RCL1: variants seen among roughly 807,000 people sequenced by gnomAD.
RCL1 encodes the protein RNA 3'-terminal phosphate cyclase-like protein.
Under a neutral mutation model 42.4 loss-of-function variants are expected in RCL1, and 24 were observed. The observed-to-expected ratio is 0.57, with a 90% CI of 0.41 to 0.80. The LOEUF is 0.80. Ranked by LOEUF, RCL1 falls within the 30% of genes least tolerant of loss-of-function variation. RCL1 has a pLI of 0.00. For missense variants in RCL1, 578 were observed against 467.9 expected, an observed-to-expected ratio of 1.24 and a Z score of -2.17; for synonymous variants, 228 against 177.3, an observed-to-expected ratio of 1.29 and a Z score of -2.27.
intron 8 of RCL1, among the ~76,000 whole-genome samples, chr9:4,855,362 G>GTC (rs60899245): frequency 0.89 from 135,142 of 151,632 alleles, 60,310 homozygotes; most frequent in East Asian, 1. Context: ...TGAGCGGTGG[G>GTC]TCTCTTTGCC....
At chr9:4,846,283 A>G (rs536603411) in intron 7 of RCL1, among the ~76,000 whole-genome samples, 10 of 152,336 alleles carry the variant, frequency 6.6e-5, no homozygotes, top group Middle Eastern at 3.4e-3. Context: ...CAGTGGACCT[A>G]TAGTTTTATT....
intron 1 of RCL1, among the ~76,000 whole-genome samples, chr9:4,802,125 A>G (rs1297191544): frequency 8.2e-6 from 1 of 121,798 alleles, no homozygotes; most frequent in Non-Finnish European, 1.6e-5. Flanking sequence ...GGGTTTCACC[A>G]TGTTGGCCAG....
At chr9:4,798,287 G>T (rs933429002) in intron 1 of RCL1, among the ~76,000 whole-genome samples, 1 of 152,208 alleles carries the variant, frequency 6.6e-6, no homozygotes, top group African/African-American at 2.4e-5. Context: ...ATAATGTGAG[G>T]TCTAAATGGA....
chr9:4,799,026 C>A (rs1173997929), intron 1 of RCL1, among the ~76,000 whole-genome samples: 1 of 105,232 alleles, frequency 9.5e-6, no homozygotes. Context: ...CCCTCCCTGT[C>A]TTCTTTCCCC....
intron 2 of RCL1, 70 bp downstream of exon 2, chr9:4,823,689 T>C (rs75752770): frequency 3.5e-6 from 4 of 1,132,062 alleles, no homozygotes; most frequent in Non-Finnish European, 5.1e-6. Flanking sequence ...CTCTTTTTTT[T>C]CTTTCCTTTT....
At chr9:4,834,291 C>CTT in intron 5 of RCL1, 26 bp downstream of exon 5, 12 of 1,434,982 alleles carry the variant, frequency 8.4e-6, no homozygotes, top group East Asian at 2.6e-5. Flanking sequence ...ATTTGGATTT[C>CTT]TTTTTTTTTT....
In RCL1 at chr9:4,860,372, A is replaced by T; in HGVS notation, c.*97A>T. The T allele has an allele frequency of 8.0e-7, 1 of 1,247,036 alleles. No homozygotes were observed. The highest frequency in any genetic ancestry group is 1.1e-6 in the Non-Finnish European group (1 of 908,064). 77.2% of individuals were successfully genotyped at this position (1,247,036 alleles called of 1,614,324 possible). Reference sequence around the variant, plus strand: ...GTCCAAATGGATTAATCCAGGACAGAATAGCCACTTGCTTAATTTTCTGTG... The same window carrying T: ...GTCCAAATGGATTAATCCAGGACAGTATAGCCACTTGCTTAATTTTCTGTG... On this transcript the variant is annotated 3_prime_UTR_variant, in exon 9 of 9. Transcript: ENST00000381750.
chr9:4,850,493 C>CTTTTTTTTTTTTTTTTT (rs35181848), intron 8 of RCL1: 1 of 134,270 alleles, frequency 7.4e-6, no homozygotes, highest in African/African-American at 3.8e-5. Context: ...TTTTTTTTTT[C>CTTTTTTTTTTTTTTTTT]TTTTTTTTTT....
chr9:4,840,404 A>G (rs183935381), intron 5 of RCL1, among the ~76,000 whole-genome samples: 47 of 152,300 alleles, frequency 3.1e-4, no homozygotes, highest in Non-Finnish European at 5.7e-4. Flanking sequence ...TGCTCAATAC[A>G]TACTTACTTT....
At chr9:4,844,956 TA>T (rs564147575) in intron 7 of RCL1, among the ~76,000 whole-genome samples, 4 of 152,176 alleles carry the variant, frequency 2.6e-5, no homozygotes, top group African/African-American at 9.6e-5. Flanking sequence ...AAGGGAAGGT[TA>T]AAAAAAGGAA....
rs1461247805 is a variant in RCL1, at chr9:4,823,721, T to C, written c.208+102T>C. On this transcript the variant is annotated intron_variant, in intron 2 of 8. Coordinates refer to ENST00000381750, the MANE Select transcript of RCL1 (RefSeq NM_005772.5). Reference sequence around the variant, plus strand: ...TTTTTTTTTCTAGTCAGTCTCTGCTTATCCAAATCACTCTTTTTAATGGTA... The same window carrying C: ...TTTTTTTTTCTAGTCAGTCTCTGCTCATCCAAATCACTCTTTTTAATGGTA... 4.1e-6 allele frequency: 3 copies of C among 724,156 alleles called. No homozygotes were observed. The African/African-American group carries it at 5.5e-5, about 13-fold the overall frequency. 44.9% of individuals were successfully genotyped at this position (724,156 alleles called of 1,614,324 possible). A position where few individuals can be genotyped will look rare whatever the true frequency, so the allele number is the denominator to read the frequency against.
At chr9:4,808,850 G>T (rs948317889) in intron 1 of RCL1, among the ~76,000 whole-genome samples, 3 of 152,160 alleles carry the variant, frequency 2.0e-5, no homozygotes, top group Admixed American at 6.5e-5. Context: ...AGAGGGCAAA[G>T]AAGTTTTTGA....
At chr9:4,851,375 C>T (rs1456304011) in intron 8 of RCL1, among the ~76,000 whole-genome samples, 1 of 152,206 alleles carries the variant, frequency 6.6e-6, no homozygotes, top group African/African-American at 2.4e-5. Context: ...AGCCTCCGTT[C>T]TTTTTGGTAA....
At chr9:4,832,646 A>G (rs1055791486) in intron 3 of RCL1, among the ~76,000 whole-genome samples, 1 of 151,762 alleles carries the variant, frequency 6.6e-6, no homozygotes, top group Non-Finnish European at 1.5e-5. Context: ...CGTCTCTACT[A>G]AAAATACAAA....
At chr9:4,825,235 T>G (rs1488057173) in intron 2 of RCL1, among the ~76,000 whole-genome samples, 1 of 152,214 alleles carries the variant, frequency 6.6e-6, no homozygotes, top group Non-Finnish European at 1.5e-5. Flanking sequence ...GAGTAAGACA[T>G]TTACATGATT....
chr9:4,817,601 C>T (rs1296598918), intron 1 of RCL1, among the ~76,000 whole-genome samples: 1 of 151,856 alleles, frequency 6.6e-6, no homozygotes, highest in Non-Finnish European at 1.5e-5. Context: ...AGCTCTACCT[C>T]AACCCTGCCC....
Position 4,849,517 on chromosome 9 carries a change from C to G in RCL1, c.938C>G (p.Ser313Cys), listed in dbSNP as rs748917505. The change falls in exon 8 of 9, where the codon TCC (serine) becomes TGC (cysteine). Residue 313 changes from serine (S) to cysteine (C), a missense_variant. Transcript: ENST00000381750. ...LLMTLGQQDV[S>C]KVLLGPLSPY... is the part of the protein sequence containing the mutation. ...ATGACCCTTGGACAGCAGGATGTTT[C>G]CAAAGTCCTGCTAGGCCCTCTCTCT... is the stretch of plus-strand genomic sequence containing the variant. 6.2e-7 allele frequency: 1 copy of G among 1,613,746 alleles called. No homozygotes were observed. Among genetic ancestry groups the G allele is most frequent in the Non-Finnish European group, 8.5e-7 (1 of 1,179,820 alleles).
chr9:4,840,354 A>C (rs377208552), intron 5 of RCL1, among the ~76,000 whole-genome samples: 1 of 152,164 alleles, frequency 6.6e-6, no homozygotes, highest in Non-Finnish European at 1.5e-5. Flanking sequence ...TTTAGTTCCA[A>C]ATATATAGCC....
At position 4,792,955 on chromosome 9, in the gene RCL1, ACGCGTCTGGGCTGCTGGAGGCAGCC is replaced by A; in HGVS notation, c.-134_-110del. 1 of 854,034 alleles carries A rather than the reference ACGCGTCTGGGCTGCTGGAGGCAGCC, an allele frequency of 1.2e-6. No homozygotes were observed. Among genetic ancestry groups the A allele is most frequent in the Non-Finnish European group, 1.7e-6 (1 of 582,284 alleles). 52.9% of individuals were successfully genotyped at this position (854,034 alleles called of 1,614,324 possible). A position where few individuals can be genotyped will look rare whatever the true frequency, so the allele number is the denominator to read the frequency against. ...CGTCTTCCTGTTCCAAACCACGTGGACGCGTCTGGGCTGCTGGAGGCAGCCCGAGCCGCCGCCGTCGGTGTCGCCG... is the reference window on the plus strand; with the variant it reads ...CGTCTTCCTGTTCCAAACCACGTGGACGAGCCGCCGCCGTCGGTGTCGCCG... On this transcript the variant is annotated 5_prime_UTR_variant, in exon 1 of 9. Coordinates refer to ENST00000381750, the MANE Select transcript of RCL1 (RefSeq NM_005772.5).
Sources: allele counts gnomAD v4.1 joint callset (sites outside exome capture counted in the v4.1 genomes callset), GRCh38; gene constraint gnomAD v4.1.1; transcripts MANE v1.5; gene names NCBI Gene and HGNC (gene_info 2026-07-23, HGNC 2026-07-21).